The following HDAC9 variants were observed in gnomAD, a reference collection of about 807,000 sequenced individuals.
HDAC9 encodes histone deacetylase 9.
HDAC9 carries 41 observed loss-of-function variants against 139.4 expected under a neutral mutation model. The ratio of observed to expected loss-of-function variants is 0.29; its 90% CI spans 0.23 to 0.38. HDAC9 has a LOEUF of 0.38. Ranked by LOEUF, HDAC9 falls within the 10% of genes least tolerant of loss-of-function variation. The pLI is 1.00. For synonymous variants in HDAC9, 517 were observed against 476.2 expected (o/e 1.09, Z -1.12); for missense variants, 1,147 against 1,297.0 (o/e 0.88, Z 1.78).
intron 2 of HDAC9, among the ~76,000 whole-genome samples, chr7:18,522,369 G>C (rs945296569): frequency 6.6e-6 from 1 of 152,106 alleles, no homozygotes; most frequent in Admixed American, 6.6e-5. Flanking sequence ...CTAAAGCTCC[G>C]TGCTGGGAAA....
chr7:18,779,727 G>A lies in HDAC9; in HGVS notation c.2214+12572G>A, dbSNP rs535686169. 2.5e-3 allele frequency among the ~76,000 whole-genome samples: 377 copies of A among 152,120 alleles called. 2 individuals are homozygous for A. Among genetic ancestry groups the A allele is most frequent in the South Asian group, 0.024 (118 of 4,824 alleles). ...TGTAGGTTATCACTGGCAGCTATAT[G>A]TGGTAATGAGCACTGCACCACCCTG... On this transcript the variant is annotated intron_variant, in intron 16 of 25. Coordinates refer to ENST00000686413, the MANE Select transcript of HDAC9 (RefSeq NM_178425.4).
intron 1 of HDAC9, among the ~76,000 whole-genome samples, chr7:18,437,827 C>T (rs911195835): frequency 6.6e-6 from 1 of 151,186 alleles, no homozygotes; most frequent in East Asian, 1.9e-4. Context: ...GAAAGTCCCT[C>T]TCACAGGATT....
chr7:18,373,455 A>G lies in HDAC9; in HGVS notation c.-42+82940A>G, dbSNP rs567931921. Among the ~76,000 whole-genome samples, 144 of 152,334 alleles carry G rather than the reference A, an allele frequency of 9.5e-4. 1 individual carries two copies. Among genetic ancestry groups the G allele is most frequent in the African/African-American group, 3.4e-3 (141 of 41,590 alleles). On this transcript the variant is annotated intron_variant, in intron 1 of 3. Transcript: ENST00000413509. Reference sequence around the variant, plus strand: ...TGACTGCATATGGGATTATTACAATACAAAAAGATGTATATTTGGAGGGTC... The same window carrying G: ...TGACTGCATATGGGATTATTACAATGCAAAAAGATGTATATTTGGAGGGTC...
chr7:18,939,467 A>G (rs1781874349), intron 23 of HDAC9, among the ~76,000 whole-genome samples: 2 of 152,214 alleles, frequency 1.3e-5, no homozygotes, highest in African/African-American at 4.8e-5. Context: ...AAATGAAAAT[A>G]TAATACATAA....
At chr7:18,984,703 T>C (rs1474727858) in intron 25 of HDAC9, among the ~76,000 whole-genome samples, 1 of 152,166 alleles carries the variant, frequency 6.6e-6, no homozygotes, top group Non-Finnish European at 1.5e-5. Context: ...ATTAATAGTC[T>C]GGATGATAAT....
intron 1 of HDAC9, among the ~76,000 whole-genome samples, chr7:18,158,308 CT>C (rs1157974835): frequency 1.3e-5 from 2 of 152,108 alleles, no homozygotes; most frequent in Non-Finnish European, 2.9e-5. Flanking sequence ...GATTTGTAGA[CT>C]TTTATGGCAA....
intron 1 of HDAC9, among the ~76,000 whole-genome samples, chr7:18,350,766 A>G (rs1192373327): frequency 2.6e-5 from 4 of 152,196 alleles, no homozygotes; most frequent in Non-Finnish European, 5.9e-5. Flanking sequence ...AATATGATTT[A>G]TGTCGAATAT....
chr7:18,653,817 AGTATCT>A (rs1790164664), intron 11 of HDAC9, among the ~76,000 whole-genome samples: 1 of 152,154 alleles, frequency 6.6e-6, no homozygotes, highest in Non-Finnish European at 1.5e-5. Context: ...TTATTTGAGT[AGTATCT>A]GTATTATTCC....
At chr7:18,197,899 A>G (rs1256893649) in intron 2 of HDAC9, among the ~76,000 whole-genome samples, 1 of 152,212 alleles carries the variant, frequency 6.6e-6, no homozygotes, top group Admixed American at 6.6e-5. Context: ...GCACTTAGAT[A>G]TAGAGACTGA....
At chr7:18,115,218 G>A (rs1330590223) in intron 1 of HDAC9, among the ~76,000 whole-genome samples, 3 of 151,768 alleles carry the variant, frequency 2.0e-5, no homozygotes, top group Non-Finnish European at 4.4e-5. Flanking sequence ...GCATGAACCC[G>A]GGAGGCAGAG....
intron 1 of HDAC9, among the ~76,000 whole-genome samples, chr7:18,314,186 C>A (rs1425858857): frequency 1.3e-5 from 2 of 152,112 alleles, no homozygotes; most frequent in African/African-American, 4.8e-5. Context: ...CAATGTGAGA[C>A]AGAAGGGAGG....
intron 14 of HDAC9, among the ~76,000 whole-genome samples, chr7:18,752,224 A>G (rs1286040030): frequency 6.6e-6 from 1 of 152,080 alleles, no homozygotes; most frequent in East Asian, 1.9e-4. Flanking sequence ...CACACCATGG[A>G]GGCAAGTGAT....
chr7:18,825,793 C>T (rs1246580437), intron 17 of HDAC9, among the ~76,000 whole-genome samples: 1 of 147,888 alleles, frequency 6.8e-6, no homozygotes, highest in Non-Finnish European at 1.5e-5. Flanking sequence ...CCTTCACATA[C>T]ACATATATAC....
intron 1 of HDAC9, among the ~76,000 whole-genome samples, chr7:18,419,045 T>C (rs1283217783): frequency 1.3e-5 from 2 of 152,222 alleles, no homozygotes; most frequent in Non-Finnish European, 2.9e-5. Context: ...ACTTGTGTCA[T>C]CTTTATATGT....
At chr7:18,639,053 C>T (rs1031100644) in intron 8 of HDAC9, among the ~76,000 whole-genome samples, 5 of 152,162 alleles carry the variant, frequency 3.3e-5, no homozygotes, top group African/African-American at 1.2e-4. Flanking sequence ...TCTAGTTGAA[C>T]ATTAGTGGCT....
intron 6 of HDAC9, among the ~76,000 whole-genome samples, chr7:18,624,684 A>G (rs966535751): frequency 7.2e-5 from 11 of 152,030 alleles, no homozygotes; most frequent in Non-Finnish European, 1.5e-4. Context: ...AGACCAGAGC[A>G]TTAAAAATAG....
At chr7:18,829,653 T>C in intron 19 of HDAC9, 105 bp downstream of exon 19, 1 of 686,630 alleles carries the variant, frequency 1.5e-6, no homozygotes, top group South Asian at 1.9e-5. Context: ...TGCAAACAAC[T>C]GAAGGGTGTG....
intron 1 of HDAC9, among the ~76,000 whole-genome samples, chr7:18,311,581 A>C (rs73305282): frequency 3.7e-4 from 57 of 152,210 alleles, no homozygotes; most frequent in African/African-American, 1.3e-3. Flanking sequence ...TAGTTGCCCA[A>C]ATTTACATAA....
intron 1 of HDAC9, among the ~76,000 whole-genome samples, chr7:18,404,626 C>T (rs1787843875): frequency 6.6e-6 from 1 of 152,148 alleles, no homozygotes; most frequent in Admixed American, 6.5e-5. Context: ...ACACAAAATA[C>T]AGTAAATCTT....
Sources: allele counts gnomAD v4.1 joint callset (sites outside exome capture counted in the v4.1 genomes callset), GRCh38; gene constraint gnomAD v4.1.1; transcripts MANE v1.5; gene names NCBI Gene and HGNC (gene_info 2026-07-23, HGNC 2026-07-21).